The following INTS4 variants were observed in gnomAD, a reference collection of about 807,000 sequenced individuals.
INTS4 encodes the protein integrator complex subunit 4.
A neutral mutation model predicts 119.5 loss-of-function variants in INTS4; 70 were observed. The observed-to-expected ratio is 0.59, with a 90% CI of 0.48 to 0.71. The LOEUF is 0.71. INTS4 is among the 30% of genes least tolerant of loss of function. The pLI is 0.00. For missense variants in INTS4, 867 were observed against 1,173.2 expected (o/e 0.74, Z 3.81); for synonymous variants, 316 against 419.6 (o/e 0.75, Z 3.02).
At chr11:77,941,344 A>T (rs1245422013) in intron 8 of INTS4, 93 bp from the exon 9 acceptor site, 1 of 1,433,400 alleles carries the variant, frequency 7.0e-7, no homozygotes, top group Non-Finnish European at 9.4e-7. Context: ...TAAGTGCATA[A>T]AGATAATATT....
At chr11:77,877,481 G>C (rs1170644380), downstream of INTS4, among the ~76,000 whole-genome samples, 1 of 152,170 alleles carries the variant, frequency 6.6e-6, no homozygotes, top group East Asian at 1.9e-4. Flanking sequence ...CCACTGTTGA[G>C]GTCCAATTAT....
rs1164922151 is a variant in INTS4, at chr11:77,991,368, G to C, written c.55-69C>G. On this transcript the variant is annotated intron_variant, in intron 1 of 22. Transcript: ENST00000534064. ...TAACTTTGCCTCATTTGGTGGAAAT[G>C]ATTTTCCATTATACCAAATAATATA... 6 of 1,218,884 alleles carry C rather than the reference G, an allele frequency of 4.9e-6. No individual in the cohort carries two copies. The Admixed American group carries it at 9.0e-5, about 18-fold the overall frequency. 75.5% of individuals were successfully genotyped at this position (1,218,884 alleles called of 1,614,324 possible).
At chr11:77,924,965 T>C in intron 11 of INTS4, 73 bp from the exon 12 acceptor site, 1 of 1,215,492 alleles carries the variant, frequency 8.2e-7, no homozygotes, top group East Asian at 2.5e-5. Flanking sequence ...ACCATCCCCT[T>C]CTACCCAGCC....
intron 8 of INTS4, among the ~76,000 whole-genome samples, chr11:77,947,102 A>G (rs1188587955): frequency 1.3e-5 from 2 of 150,312 alleles, no homozygotes; most frequent in African/African-American, 4.9e-5. Context: ...GAAATAACCC[A>G]TTAAGAGGAA....
intron 2 of INTS4, among the ~76,000 whole-genome samples, chr11:77,988,208 C>T (rs760371563): frequency 3.3e-5 from 5 of 152,206 alleles, no homozygotes; most frequent in Admixed American, 6.5e-5. Flanking sequence ...TCTGAATTTA[C>T]GGAGCTCAAA....
At chr11:77,909,743 T>C (rs1447252046) in intron 15 of INTS4, among the ~76,000 whole-genome samples, 1 of 152,232 alleles carries the variant, frequency 6.6e-6, no homozygotes, top group Non-Finnish European at 1.5e-5. Flanking sequence ...AGTAAGAAAT[T>C]AGAAAGTGTC....
intron 10 of INTS4, among the ~76,000 whole-genome samples, chr11:77,929,346 G>A (rs1001852156): frequency 2.4e-4 from 37 of 151,904 alleles, no homozygotes; most frequent in African/African-American, 8.0e-4. Flanking sequence ...CCACCTTAAC[G>A]TCGATCTAAG....
intron 8 of INTS4, among the ~76,000 whole-genome samples, chr11:77,943,235 C>T (rs1953970957): frequency 6.6e-6 from 1 of 152,054 alleles, no homozygotes; most frequent in African/African-American, 2.4e-5. Flanking sequence ...AAATTTGTGC[C>T]CCAAAAAATT....
chr11:77,953,742 C>G (rs1161990022), intron 8 of INTS4, among the ~76,000 whole-genome samples: 1 of 152,152 alleles, frequency 6.6e-6, no homozygotes, highest in African/African-American at 2.4e-5. Flanking sequence ...TGTCATCACA[C>G]CAGGCTAGTT....
chr11:77,963,350 CT>C (rs1379719454), intron 4 of INTS4: 5 of 192,018 alleles, frequency 2.6e-5, no homozygotes, highest in Non-Finnish European at 4.5e-5. Flanking sequence ...GAGACTCCGT[CT>C]CAAAAAAAAA....
intron 15 of INTS4, among the ~76,000 whole-genome samples, chr11:77,913,501 T>C (rs1434254640): frequency 7.9e-5 from 12 of 151,994 alleles, no homozygotes; most frequent in South Asian, 4.2e-4. Flanking sequence ...TTAGTAGAGA[T>C]GGGGTTTCAT....
chr11:77,910,203 A>T (rs1016764638), intron 15 of INTS4, among the ~76,000 whole-genome samples: 5 of 152,140 alleles, frequency 3.3e-5, no homozygotes, highest in Admixed American at 3.3e-4. Flanking sequence ...CAAATGTCCA[A>T]CAATGATAGA....
At chr11:77,907,673 C>T in intron 16 of INTS4, 44 bp downstream of exon 16, 2 of 1,409,194 alleles carry the variant, frequency 1.4e-6, no homozygotes, top group East Asian at 2.3e-5. Flanking sequence ...CACAAAGATG[C>T]ATTTTTAGCA....
chr11:77,954,712 A>G (rs1002581835), intron 8 of INTS4, among the ~76,000 whole-genome samples: 30 of 152,082 alleles, frequency 2.0e-4, no homozygotes, highest in African/African-American at 7.2e-4. Context: ...TAGGGTTCAC[A>G]CTCCTATGAT....
Position 77,982,537 on chromosome 11 carries a change from G to A in INTS4, c.247-961C>T, listed in dbSNP as rs1856288090. Among the ~76,000 whole-genome samples, 3 of 152,166 alleles carry A rather than the reference G, an allele frequency of 2.0e-5. No homozygotes were observed. The South Asian group carries it at 6.2e-4, about 32-fold the overall frequency. ...CTTGTGCCTGGGCCCCAGCTGCAGG[G>A]GAGACTGACAAAGAAATAGTCTGGC... On this transcript the variant is annotated intron_variant, in intron 2 of 22. Transcript: ENST00000534064.
intron 4 of INTS4, among the ~76,000 whole-genome samples, chr11:77,976,118 G>T (rs1280508592): frequency 7.2e-6 from 1 of 138,138 alleles, no homozygotes; most frequent in Non-Finnish European, 1.6e-5. Flanking sequence ...TTTCAAAAAA[G>T]AGATTTTTTA....
At chr11:77,911,048 A>C (rs1253826351) in intron 15 of INTS4, 2 of 1,288,798 alleles carry the variant, frequency 1.6e-6, no homozygotes, top group Non-Finnish European at 2.0e-6. Flanking sequence ...GCCTGGAAAA[A>C]ACCGTCCACT....
chr11:77,958,945 T>C (rs773384926), intron 6 of INTS4, 111 bp from the exon 7 acceptor site: 9 of 691,336 alleles, frequency 1.3e-5, no homozygotes, highest in East Asian at 2.7e-5. Context: ...AGTAAAACAC[T>C]TGTGTGTGGT....
intron 2 of INTS4, chr11:77,987,628 G>T (rs1463669161): frequency 2.2e-6 from 1 of 451,100 alleles, no homozygotes; most frequent in Non-Finnish European, 4.5e-6. Context: ...TCCTTTGGGA[G>T]GGCCAAGCAG....
Sources: allele counts gnomAD v4.1 joint callset (sites outside exome capture counted in the v4.1 genomes callset), GRCh38; gene constraint gnomAD v4.1.1; transcripts MANE v1.5; gene names NCBI Gene and HGNC (gene_info 2026-07-23, HGNC 2026-07-21).